The following SMARCD2 variants were observed in gnomAD, a reference collection of about 807,000 sequenced individuals.
The protein encoded by SMARCD2 is SWI/SNF related BAF chromatin remodeling complex subunit D2.
Under a neutral mutation model 70.4 loss-of-function variants are expected in SMARCD2, and 39 were observed. The observed-to-expected ratio is 0.55, with a 90% CI of 0.43 to 0.72. The LOEUF is 0.72. Among genes scored for constraint, SMARCD2 ranks in the 30% least tolerant of loss-of-function variants. The probability of loss-of-function intolerance (pLI) is 0.00; values close to 1 mark genes in which losing one functional copy is unlikely to be tolerated. For synonymous variants in SMARCD2, 249 were observed against 279.4 expected (o/e 0.89, Z 1.08); for missense variants, 540 against 713.4 (o/e 0.76, Z 2.77).
Position 63,837,690 on chromosome 17 carries a change from A to G in SMARCD2, c.217-65T>C, listed in dbSNP as rs1310769506. 4 of 1,348,460 alleles carry G rather than the reference A, an allele frequency of 3.0e-6. No homozygotes were observed. Among genetic ancestry groups the G allele is most frequent in the Admixed American group, 2.1e-5 (1 of 47,604 alleles). 83.5% of individuals were successfully genotyped at this position (1,348,460 alleles called of 1,614,324 possible). On this transcript the variant is annotated intron_variant, in intron 1 of 12. Transcript: ENST00000448276. The surrounding 1 kb of genome is among the most constrained non-coding windows in gnomAD (Gnocchi z 6.4). ...CAAGGCCCTCCGGGACCCATAGCCC[A>G]TGCCCTCCATCCCTCTCGTCAGCCA... is the stretch of plus-strand genomic sequence containing the variant.
At position 63,833,726 on chromosome 17, in the gene SMARCD2, C is replaced by T. The variant is rs1212419482; in HGVS notation, c.1182-4G>A. On this transcript the variant is annotated splice_region_variant and splice_polypyrimidine_tract_variant and intron_variant, in intron 9 of 12. Coordinates refer to ENST00000448276, the MANE Select transcript of SMARCD2 (RefSeq NM_001098426.2). The surrounding 1 kb of genome is among the most constrained non-coding windows in gnomAD (Gnocchi z 4.3). ...CTTCTGGTCGTTAGGGTCGACACTGCAGGCAGCACATGGGGAGGGAAGGCA... is the reference window on the plus strand; with the variant it reads ...CTTCTGGTCGTTAGGGTCGACACTGTAGGCAGCACATGGGGAGGGAAGGCA... 1 of 1,613,988 alleles carries T rather than the reference C, an allele frequency of 6.2e-7. No homozygotes were observed. Among genetic ancestry groups the T allele is most frequent in the South Asian group, 1.1e-5 (1 of 91,082 alleles).
In SMARCD2 at chr17:63,834,096, G is replaced by A; in HGVS notation, c.1083+71C>T. ...CAGTGAGGGCAGCAGTCTGCAGGCT[G>A]TGGCCAAGGAGTAGCCCAGCAGGCA... On this transcript the variant is annotated intron_variant, in intron 8 of 12. Coordinates refer to ENST00000448276, the MANE Select transcript of SMARCD2 (RefSeq NM_001098426.2). The surrounding 1 kb of genome is among the most constrained non-coding windows in gnomAD (Gnocchi z 5.6). 5 of 1,598,526 alleles carry A rather than the reference G, an allele frequency of 3.1e-6. No individual in the cohort carries two copies. Among genetic ancestry groups the A allele is most frequent in the Non-Finnish European group, 3.4e-6 (4 of 1,167,420 alleles).
chr17:63,837,416 A>G lies in SMARCD2; in HGVS notation c.401+25T>C. On this transcript the variant is annotated intron_variant, in intron 2 of 12. Coordinates refer to ENST00000448276, the MANE Select transcript of SMARCD2 (RefSeq NM_001098426.2). This position sits in a 1 kb window ranked among gnomAD's most constrained non-coding sequence, Gnocchi z 6.4. ...CTACCACCAGAGCTGAGTTAGGCAG[A>G]GTGAGAGAAGCAGGATGCTCTTACC... 6.4e-7 allele frequency: 1 copy of G among 1,570,234 alleles called. No homozygotes were observed.
Position 63,833,479 on chromosome 17 carries a change from C to A in SMARCD2, c.1318-59G>T. ...AAAGCTTACATGCAAGCAACTGAGC[C>A]AGAGTTCCCATCCCGTCCTCCAGGT... On this transcript the variant is annotated intron_variant, in intron 10 of 12. Transcript: ENST00000448276. This position sits in a 1 kb window ranked among gnomAD's most constrained non-coding sequence, Gnocchi z 4.3. The A allele has an allele frequency of 6.2e-7, 1 of 1,610,144 alleles. No individual in the cohort carries two copies. The highest frequency in any genetic ancestry group is 1.1e-5 in the South Asian group (1 of 90,778).
rs2040228090 is a variant in SMARCD2, at chr17:63,833,830, A to AAC, written c.1181+78_1181+79insGT. The AAC allele has an allele frequency of 3.2e-6, 5 of 1,557,448 alleles. No individual in the cohort carries two copies. In the East Asian group the frequency reaches 1.1e-4, roughly 35 times the overall value. On this transcript the variant is annotated intron_variant, in intron 9 of 12. Transcript: ENST00000448276. The surrounding 1 kb of genome is among the most constrained non-coding windows in gnomAD (Gnocchi z 4.3). ...ACACACTCAGGGAAAAAGAAACCTG[A>AAC]TGCTTTCTTTGGCTTTAGTTCAAGC...
intron 1 of SMARCD2, 57 bp downstream of exon 1, chr17:63,842,402 G>T (rs1447658711): frequency 6.2e-6 from 8 of 1,295,806 alleles, no homozygotes; most frequent in Non-Finnish European, 7.8e-6. Context: ...TCAGCCGCCG[G>T]CCCGGGCGCC....
chr17:63,832,114 A>G lies in SMARCD2; in HGVS notation c.*824T>C, dbSNP rs967327500. On this transcript the variant is annotated 3_prime_UTR_variant, in exon 13 of 13. Coordinates refer to ENST00000448276, the MANE Select transcript of SMARCD2 (RefSeq NM_001098426.2). Reference sequence around the variant, plus strand: ...AAAAGGATTTATTTGGAAATTTCCAAACCTGCCAGATGTGGCACTCGCCAA... The same window carrying G: ...AAAAGGATTTATTTGGAAATTTCCAGACCTGCCAGATGTGGCACTCGCCAA... The G allele has an allele frequency of 1.1e-6, 1 of 886,820 alleles. No homozygotes were observed. The highest frequency in any genetic ancestry group is 1.6e-5 in the South Asian group (1 of 61,634). The allele number at this position is 886,820 out of a possible 1,614,324, so 54.9% of individuals were successfully genotyped here. A position where few individuals can be genotyped will look rare whatever the true frequency, so the allele number is the denominator to read the frequency against.
intron 4 of SMARCD2, among the ~76,000 whole-genome samples, chr17:63,836,305 T>C (rs2040264830): frequency 6.6e-6 from 1 of 151,782 alleles, no homozygotes; most frequent in Non-Finnish European, 1.5e-5. Flanking sequence ...AGTCAGGAGT[T>C]CGAGACCAGC....
At position 63,837,847 on chromosome 17, in the gene SMARCD2, G is replaced by A. The variant is rs1380513388; in HGVS notation, c.217-222C>T. ...CGCCCTGGCAGCCATGCCAGCGAAT[G>A]AGGCCTGCCAGAACCTGGGCTGGGA... On this transcript the variant is annotated intron_variant, in intron 1 of 12. Coordinates refer to ENST00000448276, the MANE Select transcript of SMARCD2 (RefSeq NM_001098426.2). The surrounding 1 kb of genome is among the most constrained non-coding windows in gnomAD (Gnocchi z 6.4). Among the ~76,000 whole-genome samples the A allele has an allele frequency of 1.3e-5, 2 of 152,168 alleles. No homozygotes were observed. Among genetic ancestry groups the A allele is most frequent in the East Asian group, 3.9e-4 (2 of 5,186 alleles).
chr17:63,835,900 TTG>T (rs1315059554), intron 4 of SMARCD2, among the ~76,000 whole-genome samples: 5 of 152,128 alleles, frequency 3.3e-5, no homozygotes, highest in African/African-American at 9.7e-5. Context: ...AGCTAATTTT[TTG>T]TGTTTTTGTA....
chr17:63,833,515 T>A lies in SMARCD2; in HGVS notation c.1317+72A>T. 1 of 1,610,708 alleles carries A rather than the reference T, an allele frequency of 6.2e-7. No homozygotes were observed. The highest frequency in any genetic ancestry group is 8.5e-7 in the Non-Finnish European group (1 of 1,177,544). ...TCCCGTCCTCCAGGTGCTACATGTA[T>A]GGAAATGCTGGACAGAGCCAGCCCA... is the stretch of plus-strand genomic sequence containing the variant. On this transcript the variant is annotated intron_variant, in intron 10 of 12. Transcript: ENST00000448276. The surrounding 1 kb of genome is among the most constrained non-coding windows in gnomAD (Gnocchi z 4.3).
chr17:63,836,853 C>T, intron 4 of SMARCD2, 69 bp downstream of exon 4: 1 of 1,537,962 alleles, frequency 6.5e-7, no homozygotes. Context: ...CTTGCTTGGC[C>T]CCTGGAAAAC....
At chr17:63,835,623 G>T in intron 4 of SMARCD2, 56 bp from the exon 5 acceptor site, 1 of 1,551,754 alleles carries the variant, frequency 6.4e-7, no homozygotes, top group Non-Finnish European at 8.8e-7. Flanking sequence ...GGGACACAGT[G>T]CTACCGCATC....
At chr17:63,836,678 A>G (rs1194670356) in intron 4 of SMARCD2, 2 of 402,734 alleles carry the variant, frequency 5.0e-6, no homozygotes, top group African/African-American at 4.0e-5. Context: ...CAAAAATGTC[A>G]TGAAAGAATC....
chr17:63,839,120 T>A, intron 1 of SMARCD2: 1 of 985,354 alleles, frequency 1.0e-6, no homozygotes, highest in Non-Finnish European at 1.2e-6. Flanking sequence ...AAAGACAGCC[T>A]CTTTCTCTGC....
chr17:63,833,927 A>G lies in SMARCD2; in HGVS notation c.1163T>C (p.Val388Ala). The change falls in exon 9 of 13, where the codon GTC (valine) becomes GCC (alanine). Residue 388 changes from valine to alanine, a missense_variant. By Grantham distance (64) the Val-to-Ala change is moderately conservative. Transcript: ENST00000448276. The surrounding 1 kb of genome is among the most constrained non-coding windows in gnomAD (Gnocchi z 4.3). ...CATTTACCTAATGACATGGTTGATG[A>G]CAATGGGGTCTGGATGCTGCAGCAA... ...AGLLQHPDPI[V>A]INHVISVDPN... 6.2e-7 allele frequency: 1 copy of G among 1,612,534 alleles called. No homozygotes were observed. Among genetic ancestry groups the G allele is most frequent in the East Asian group, 2.2e-5 (1 of 44,882 alleles).
chr17:63,840,337 ATTT>A (rs57487581), intron 1 of SMARCD2, among the ~76,000 whole-genome samples: 1 of 141,936 alleles, frequency 7.0e-6, no homozygotes, highest in African/African-American at 2.6e-5. Context: ...GCTTGGCTAA[ATTT>A]TTTTTTTTTT....
rs2040233036 is a variant in SMARCD2 at position 63,834,111 on chromosome 17, C to T, written c.1083+56G>A. Reference sequence around the variant, plus strand: ...TCTGCAGGCTGTGGCCAAGGAGTAGCCCAGCAGGCAAGGCAAAGCAAGGGC... The same window carrying T: ...TCTGCAGGCTGTGGCCAAGGAGTAGTCCAGCAGGCAAGGCAAAGCAAGGGC... On this transcript the variant is annotated intron_variant, in intron 8 of 12. Transcript: ENST00000448276. This position sits in a 1 kb window ranked among gnomAD's most constrained non-coding sequence, Gnocchi z 5.6. 6.2e-7 allele frequency: 1 copy of T among 1,604,358 alleles called. No individual in the cohort carries two copies. Among genetic ancestry groups the T allele is most frequent in the African/African-American group, 1.3e-5 (1 of 74,944 alleles).
At chr17:63,841,472 C>A (rs2144641349) in intron 1 of SMARCD2, among the ~76,000 whole-genome samples, 1 of 152,308 alleles carries the variant, frequency 6.6e-6, no homozygotes, top group Admixed American at 6.5e-5. Context: ...GGAGTTAGAA[C>A]CTGAAGGCCA....
Sources: allele counts gnomAD v4.1 joint callset (sites outside exome capture counted in the v4.1 genomes callset), GRCh38; gene constraint gnomAD v4.1.1; non-coding constraint Gnocchi (gnomAD v3.1); transcripts MANE v1.5; gene names NCBI Gene and HGNC (gene_info 2026-07-23, HGNC 2026-07-21).